KALRN: variants seen among roughly 807,000 people sequenced by gnomAD.
KALRN encodes kalirin.
A neutral mutation model predicts 353.7 loss-of-function variants in KALRN; 70 were observed. The ratio of observed to expected loss-of-function variants is 0.20; its 90% CI spans 0.16 to 0.24. The LOEUF is 0.24. KALRN is among the 10% of genes least tolerant of loss of function. The pLI is 1.00. For missense variants in KALRN, 2,791 were observed against 3,756.7 expected, an observed-to-expected ratio of 0.74 and a Z score of 6.72; for synonymous variants, 1,391 against 1,434.8, an observed-to-expected ratio of 0.97 and a Z score of 0.69.
intron 37 of KALRN, among the ~76,000 whole-genome samples, chr3:124,645,338 C>T (rs190144943): frequency 2.0e-4 from 30 of 152,268 alleles, no homozygotes; most frequent in Middle Eastern, 3.4e-3. Flanking sequence ...TTAATTAGAT[C>T]CCATTTGTCA....
chr3:124,110,469 G>GCGCACACACACACA (rs10634082), intron 1 of KALRN, among the ~76,000 whole-genome samples: 3 of 133,984 alleles, frequency 2.2e-5, no homozygotes, highest in Non-Finnish European at 4.8e-5. Context: ...ACACACGCGC[G>GCGCACACACACACA]CACACACACA....
intron 1 of KALRN, 38 bp from the exon 2 acceptor site, chr3:124,227,952 C>T (rs773293810): frequency 5.1e-6 from 8 of 1,554,902 alleles, no homozygotes; most frequent in South Asian, 1.1e-5. Flanking sequence ...CCAGCTGGCT[C>T]CTCTCACCCT....
At chr3:124,192,014 A>G (rs1249359913) in intron 1 of KALRN, among the ~76,000 whole-genome samples, 3 of 152,254 alleles carry the variant, frequency 2.0e-5, no homozygotes, top group Non-Finnish European at 4.4e-5. Flanking sequence ...TGTGTGTTCA[A>G]CAAGTGACCC....
intron 35 of KALRN, among the ~76,000 whole-genome samples, chr3:124,633,639 GTGTGT>G (rs778593854): frequency 7.7e-5 from 5 of 64,846 alleles, no homozygotes; most frequent in Non-Finnish European, 1.3e-4. Context: ...TTTTGGGGGT[GTGTGT>G]GTGTGTGTGT....
chr3:124,674,768 A>G (rs2086961787), intron 49 of KALRN, 154 bp downstream of exon 49: 12 of 725,270 alleles, frequency 1.7e-5, no homozygotes, highest in Non-Finnish European at 2.3e-5. Context: ...TGCTGACACC[A>G]TATGCAACAT....
At chr3:124,083,364 T>C (rs978318970) in intron 1 of KALRN, among the ~76,000 whole-genome samples, 1 of 151,972 alleles carries the variant, frequency 6.6e-6, no homozygotes, top group African/African-American at 2.4e-5. Context: ...TCCAGCTGAG[T>C]TGGCCAGGAA....
At position 124,497,459 on chromosome 3, in the gene KALRN, G is replaced by GA. The variant is rs925507915; in HGVS notation, c.4935+1054dup. On this transcript the variant is annotated intron_variant, in intron 33 of 59. Coordinates refer to ENST00000682506, the MANE Select transcript of KALRN (RefSeq NM_001388419.1). ...TTTTTCCTATTTTTTCTTGCTGGGA[G>GA]AAAAAAAACCATTGAGACCTTAGTG... Among the ~76,000 whole-genome samples the GA allele has an allele frequency of 3.3e-5, 5 of 151,894 alleles. No homozygotes were observed. The South Asian group carries it at 6.2e-4, about 19-fold the overall frequency.
At chr3:124,361,461 C>T (rs2084028589) in intron 10 of KALRN, among the ~76,000 whole-genome samples, 1 of 152,110 alleles carries the variant, frequency 6.6e-6, no homozygotes, top group African/African-American at 2.4e-5. Flanking sequence ...ATGATATAGC[C>T]ATGGTAATAG....
intron 11 of KALRN, among the ~76,000 whole-genome samples, chr3:124,389,779 T>C (rs2089040575): frequency 6.6e-6 from 1 of 152,192 alleles, no homozygotes; most frequent in South Asian, 2.1e-4. Context: ...GAAGTAATAT[T>C]TACCAGAAGT....
At chr3:124,091,801 G>A (rs190932154) in intron 1 of KALRN, among the ~76,000 whole-genome samples, 103 of 152,312 alleles carry the variant, frequency 6.8e-4, no homozygotes, top group African/African-American at 2.4e-3. Context: ...TGGAAGCATT[G>A]TATAAGACAA....
At chr3:124,620,843 G>A (rs772258091) in intron 34 of KALRN, among the ~76,000 whole-genome samples, 44 of 152,218 alleles carry the variant, frequency 2.9e-4, no homozygotes, top group Non-Finnish European at 5.6e-4. Context: ...AGGAGAACCC[G>A]AGGTCGAGGA....
chr3:124,655,271 C>T (rs2083884290), intron 38 of KALRN, among the ~76,000 whole-genome samples: 1 of 152,228 alleles, frequency 6.6e-6, no homozygotes, highest in African/African-American at 2.4e-5. Context: ...GGTTGTCAAT[C>T]TTTCTGCCCT....
chr3:124,704,554 T>C (rs954027475), intron 57 of KALRN, among the ~76,000 whole-genome samples: 4 of 152,134 alleles, frequency 2.6e-5, no homozygotes, highest in African/African-American at 9.7e-5. Context: ...TTTTCTTTTT[T>C]CTTTTTTCTT....
chr3:124,299,195 G>C (rs186209746), intron 6 of KALRN, among the ~76,000 whole-genome samples: 140 of 152,312 alleles, frequency 9.2e-4, no homozygotes, highest in African/African-American at 3.1e-3. Flanking sequence ...AGTTCCACCA[G>C]TTCCACTTCA....
At chr3:124,050,103 T>C (rs900332148) in intron 1 of KALRN, among the ~76,000 whole-genome samples, 1 of 152,134 alleles carries the variant, frequency 6.6e-6, no homozygotes, top group Admixed American at 6.5e-5. Context: ...GAAGGGTACT[T>C]GGAGCCAAGG....
chr3:124,159,014 A>G (rs1278067368), intron 1 of KALRN, among the ~76,000 whole-genome samples: 2 of 152,000 alleles, frequency 1.3e-5, no homozygotes, highest in African/African-American at 4.8e-5. Flanking sequence ...TCTACAAACA[A>G]TTGCCTTTAC....
At chr3:124,610,634 T>TG (rs397977030) in intron 34 of KALRN, among the ~76,000 whole-genome samples, 21,823 of 146,616 alleles carry the variant, frequency 0.15, 3,655 homozygotes, top group African/African-American at 0.4. Flanking sequence ...TAACTAACCC[T>TG]GGGGGGGGCG....
chr3:124,331,502 C>T (rs542067487), intron 8 of KALRN, among the ~76,000 whole-genome samples: 1 of 152,314 alleles, frequency 6.6e-6, no homozygotes, highest in South Asian at 2.1e-4. Context: ...ATGTAATGCA[C>T]TTGGCCCAGT....
chr3:124,248,717 G>A (rs1016024466), intron 3 of KALRN, among the ~76,000 whole-genome samples: 1 of 152,108 alleles, frequency 6.6e-6, no homozygotes. Context: ...TTTGTTCTAG[G>A]TCAAGTGAGG....
Sources: allele counts gnomAD v4.1 joint callset (sites outside exome capture counted in the v4.1 genomes callset), GRCh38; gene constraint gnomAD v4.1.1; transcripts MANE v1.5; gene names NCBI Gene and HGNC (gene_info 2026-07-23, HGNC 2026-07-21).